The following CACNA1C variants were observed in gnomAD, a reference collection of about 807,000 sequenced individuals.
The protein encoded by CACNA1C is calcium voltage-gated channel subunit alpha1 C, also known as voltage-dependent L-type calcium channel subunit alpha-1C.
Under a neutral mutation model 229.0 loss-of-function variants are expected in CACNA1C, and 30 were observed. The observed-to-expected ratio is 0.13, with a 90% CI of 0.10 to 0.18. The LOEUF (loss-of-function observed/expected upper bound fraction) is 0.18. CACNA1C is among the 10% of genes least tolerant of loss of function. The pLI, the probability that CACNA1C is intolerant of heterozygous loss-of-function variation, is 1.00. For missense variants in CACNA1C, 1,658 were observed against 2,845.0 expected (o/e 0.58, Z 9.49); for synonymous variants, 1,114 against 1,132.5 (o/e 0.98, Z 0.33).
At chr12:1,999,089 G>A (rs767881738) in intron 1 of CACNA1C, among the ~76,000 whole-genome samples, 16 of 152,314 alleles carry the variant, frequency 1.1e-4, no homozygotes, top group Middle Eastern at 3.4e-3. Flanking sequence ...CGGCATCAGC[G>A]TCACCTGGGA....
intron 1 of CACNA1C, among the ~76,000 whole-genome samples, chr12:2,084,574 C>T (rs1003857799): frequency 2.0e-5 from 3 of 152,186 alleles, no homozygotes; most frequent in African/African-American, 7.2e-5. Flanking sequence ...TGCTGGTCAG[C>T]TTCTACTTGC....
chr12:2,123,521 G>T (rs1037440592), intron 3 of CACNA1C, among the ~76,000 whole-genome samples: 2 of 151,892 alleles, frequency 1.3e-5, no homozygotes, highest in Non-Finnish European at 2.9e-5. Context: ...ACAATTATAT[G>T]TGCCAGGATG....
At chr12:2,480,251 G>A (rs759921968) in intron 5 of CACNA1C, among the ~76,000 whole-genome samples, 10 of 152,074 alleles carry the variant, frequency 6.6e-5, no homozygotes, top group African/African-American at 1.4e-4. Flanking sequence ...AGGCTACGTC[G>A]CAGTCTGGAC....
intron 2 of CACNA1C, among the ~76,000 whole-genome samples, chr12:2,116,568 C>T (rs888756848): frequency 1.3e-4 from 20 of 152,046 alleles, no homozygotes; most frequent in African/African-American, 3.1e-4. Flanking sequence ...GGGGTTTCAC[C>T]GTGTTAGCCA....
chr12:2,468,892 G>A (rs1478741868), intron 5 of CACNA1C, among the ~76,000 whole-genome samples: 1 of 152,222 alleles, frequency 6.6e-6, no homozygotes, highest in African/African-American at 2.4e-5. Flanking sequence ...TAGAGTATTA[G>A]CCTTTAGATG....
In CACNA1C at chr12:2,150,114, C is replaced by G. The variant is rs113446307; in HGVS notation, c.477+29684C>G. Among the ~76,000 whole-genome samples, 454 of 152,316 alleles carry G rather than the reference C, an allele frequency of 3.0e-3. 5 individuals are homozygous for G. Among genetic ancestry groups the G allele is most frequent in the Middle Eastern group, 0.02 (6 of 294 alleles). ...GAGTAGCAGCTCCCAGAGGGGCTGG[C>G]TGGCAACCTTTTGTATCAGCTTAGG... On this transcript the variant is annotated intron_variant, in intron 3 of 46. Coordinates refer to ENST00000399655, the MANE Select transcript of CACNA1C (RefSeq NM_000719.7).
At chr12:2,208,315 A>G (rs975106307) in intron 3 of CACNA1C, among the ~76,000 whole-genome samples, 2 of 152,228 alleles carry the variant, frequency 1.3e-5, no homozygotes, top group Non-Finnish European at 2.9e-5. Context: ...GCTAAAAGAG[A>G]AGAACAGCTA....
chr12:2,146,628 T>C (rs985057943), intron 3 of CACNA1C, among the ~76,000 whole-genome samples: 3 of 151,082 alleles, frequency 2.0e-5, no homozygotes, highest in African/African-American at 7.3e-5. Flanking sequence ...GCAGAGCCAT[T>C]GGAAAGGCAT....
intron 43 of CACNA1C, among the ~76,000 whole-genome samples, chr12:2,683,379 C>A (rs1041992170): frequency 1.3e-5 from 2 of 152,222 alleles, no homozygotes; most frequent in Non-Finnish European, 2.9e-5. Flanking sequence ...CTCTGAGTCA[C>A]ATCCACAGAA....
intron 5 of CACNA1C, among the ~76,000 whole-genome samples, chr12:2,463,593 C>T (rs1332005498): frequency 2.0e-5 from 3 of 152,098 alleles, no homozygotes; most frequent in Non-Finnish European, 4.4e-5. Flanking sequence ...ATCAGGAGAG[C>T]CTTCTTGGAG....
At chr12:2,226,911 T>G (rs548619874) in intron 3 of CACNA1C, among the ~76,000 whole-genome samples, 15 of 152,366 alleles carry the variant, frequency 9.8e-5, no homozygotes, top group Admixed American at 3.9e-4. Context: ...CTGAAAGGGA[T>G]GCATCTGAAT....
At chr12:2,026,427 G>T (rs1412987507) in intron 1 of CACNA1C, among the ~76,000 whole-genome samples, 1 of 152,192 alleles carries the variant, frequency 6.6e-6, no homozygotes, top group East Asian at 1.9e-4. Flanking sequence ...TGAGCCTCAA[G>T]TCAGATGGAT....
chr12:2,263,481 G>A (rs914700519), intron 3 of CACNA1C, among the ~76,000 whole-genome samples: 3 of 152,040 alleles, frequency 2.0e-5, no homozygotes, highest in African/African-American at 4.8e-5. Flanking sequence ...AGGCTTTTTA[G>A]CAAAGGAGTG....
chr12:2,411,717 G>C (rs1314149707), intron 3 of CACNA1C, among the ~76,000 whole-genome samples: 1 of 152,206 alleles, frequency 6.6e-6, no homozygotes, highest in Non-Finnish European at 1.5e-5. Flanking sequence ...GAAGATTTCA[G>C]ATCCTCAGGT....
chr12:2,230,913 C>T (rs542083219), intron 3 of CACNA1C, among the ~76,000 whole-genome samples: 2 of 152,238 alleles, frequency 1.3e-5, no homozygotes, highest in African/African-American at 4.8e-5. Flanking sequence ...AGGACTTGGC[C>T]CAAAGACCCT....
chr12:2,177,438 C>A (rs141235692), intron 3 of CACNA1C, among the ~76,000 whole-genome samples: 240 of 152,250 alleles, frequency 1.6e-3, no homozygotes, highest in Admixed American at 2.8e-3. Flanking sequence ...CTCATTATTC[C>A]CTGCCTGATT....
intron 9 of CACNA1C, among the ~76,000 whole-genome samples, chr12:2,514,505 A>G (rs2099791935): frequency 6.6e-6 from 1 of 152,176 alleles, no homozygotes; most frequent in Admixed American, 6.5e-5. Context: ...GACACCTTCT[A>G]TTACACTGTT....
rs972610078 is a variant in CACNA1C at position 2,403,678 on chromosome 12, C to T, written c.478-45298C>T. ...GTAAATAACAGATGAGAAGATGACT[C>T]GTGCAACCTGCAGGGCCCCTCCTCC... On this transcript the variant is annotated intron_variant, in intron 3 of 46. Coordinates refer to ENST00000399655, the MANE Select transcript of CACNA1C (RefSeq NM_000719.7). This position sits in a 1 kb window ranked among gnomAD's most constrained non-coding sequence, Gnocchi z 4.1. Among the ~76,000 whole-genome samples, 8 of 152,142 alleles carry T rather than the reference C, an allele frequency of 5.3e-5. No homozygotes were observed. Among genetic ancestry groups the T allele is most frequent in the Admixed American group, 1.3e-4 (2 of 15,286 alleles).
intron 3 of CACNA1C, among the ~76,000 whole-genome samples, chr12:2,169,699 G>T (rs547070127): frequency 4.2e-4 from 64 of 152,340 alleles, no homozygotes; most frequent in African/African-American, 1.5e-3. Context: ...GGTTCTGGTG[G>T]AATCAGGCCT....
Sources: gnomAD v4.1 joint callset for allele counts (sites outside exome capture counted in the v4.1 genomes callset) on GRCh38, gnomAD v4.1.1 for gene constraint, Gnocchi (gnomAD v3.1) non-coding constraint, MANE v1.5 for transcripts, NCBI Gene and HGNC (gene_info 2026-07-23, HGNC 2026-07-21) for gene names.